The following ASIC2 variants were observed in gnomAD, a reference collection of about 807,000 sequenced individuals.
ASIC2 encodes acid-sensing ion channel 2.
Under a neutral mutation model 57.3 loss-of-function variants are expected in ASIC2, and 25 were observed. The ratio of observed to expected loss-of-function variants is 0.44; its 90% CI spans 0.32 to 0.61. The LOEUF (loss-of-function observed/expected upper bound fraction) is 0.61, where lower values mean the gene tolerates loss of function less well. ASIC2 is among the 20% of genes least tolerant of loss of function. The probability of loss-of-function intolerance (pLI) is 0.06; values close to 1 mark genes in which losing one functional copy is unlikely to be tolerated. For missense variants in ASIC2, 641 were observed against 738.1 expected (o/e 0.87, Z 1.52); for synonymous variants, 319 against 307.5 (o/e 1.04, Z -0.39).
rs1388105015 is a variant in ASIC2, at chr17:33,079,481, T to C, written c.987+9382A>G. 4.9e-4 allele frequency among the ~76,000 whole-genome samples: 75 copies of C among 151,930 alleles called. 1 individual carries two copies. Among genetic ancestry groups the C allele is most frequent in the Admixed American group, 4.8e-3 (73 of 15,250 alleles). ...CTGGGGGAGTAGAGTGAGAGGCCAC[T>C]GAAAGAGAGGCAGGAGCCAGACTGG... On this transcript the variant is annotated intron_variant, in intron 3 of 9. Coordinates refer to ENST00000225823, the MANE Select transcript of ASIC2 (RefSeq NM_183377.2).
At chr17:34,103,219 C>T (rs1407927361) in intron 1 of ASIC2, among the ~76,000 whole-genome samples, 1 of 152,146 alleles carries the variant, frequency 6.6e-6, no homozygotes, top group Non-Finnish European at 1.5e-5. Context: ...TATCATGCCT[C>T]AACGTAGCCT....
chr17:33,091,970 A>G (rs2092159347), intron 2 of ASIC2, among the ~76,000 whole-genome samples: 1 of 152,222 alleles, frequency 6.6e-6, no homozygotes, highest in South Asian at 2.1e-4. Flanking sequence ...CCATGTGGCT[A>G]GTGGAAACAT....
At chr17:33,342,448 A>G (rs1187636060) in intron 1 of ASIC2, among the ~76,000 whole-genome samples, 2 of 152,058 alleles carry the variant, frequency 1.3e-5, no homozygotes, top group Non-Finnish European at 2.9e-5. Context: ...ATATGAGTTC[A>G]CATGTACATA....
At chr17:33,017,504 T>A (rs1260893917) in intron 8 of ASIC2, 101 bp downstream of exon 8, 5 of 948,156 alleles carry the variant, frequency 5.3e-6, no homozygotes, top group Non-Finnish European at 4.9e-6. Flanking sequence ...AGGCTCTGCA[T>A]GGAGAGAGGC....
chr17:33,389,519 G>C (rs1418582594), intron 1 of ASIC2, among the ~76,000 whole-genome samples: 2 of 152,212 alleles, frequency 1.3e-5, no homozygotes, highest in South Asian at 2.1e-4. Flanking sequence ...GCTGGGCAGG[G>C]TTTCAGCTAA....
chr17:33,935,170 C>A (rs1187265282), intron 1 of ASIC2, among the ~76,000 whole-genome samples: 1 of 152,224 alleles, frequency 6.6e-6, no homozygotes, highest in East Asian at 1.9e-4. Flanking sequence ...ACACACTGCC[C>A]CCTACATCTG....
intron 1 of ASIC2, chr17:33,955,292 T>C (rs1159357187): frequency 1.3e-5 from 2 of 152,226 alleles, no homozygotes; most frequent in Non-Finnish European, 2.9e-5. Context: ...TAAGTTACTG[T>C]CTTTCCATTT....
intron 1 of ASIC2, among the ~76,000 whole-genome samples, chr17:33,146,040 G>A (rs3925174): frequency 0.025 from 3,798 of 152,274 alleles, 151 homozygotes; most frequent in African/African-American, 0.083. Context: ...CTTAGCACCC[G>A]CTATCTTAGT....
chr17:33,115,304 G>C (rs929646805), intron 1 of ASIC2, among the ~76,000 whole-genome samples: 1 of 152,160 alleles, frequency 6.6e-6, no homozygotes, highest in African/African-American at 2.4e-5. Flanking sequence ...AGCCAAATCA[G>C]AGAGGTGGCC....
intron 1 of ASIC2, among the ~76,000 whole-genome samples, chr17:33,371,282 C>A (rs1909049312): frequency 6.6e-6 from 1 of 152,158 alleles, no homozygotes; most frequent in African/African-American, 2.4e-5. Context: ...GGGAATGTAG[C>A]CCAGCAAGTC....
At chr17:33,714,806 CTT>C (rs11323251) in intron 1 of ASIC2, among the ~76,000 whole-genome samples, 15,379 of 124,064 alleles carry the variant, frequency 0.12, 556 homozygotes, top group Non-Finnish European at 0.14. Context: ...ATTCTGTGAC[CTT>C]TTTTTTTTTT....
At chr17:34,113,694 A>G (rs567944343) in intron 1 of ASIC2, among the ~76,000 whole-genome samples, 3 of 152,102 alleles carry the variant, frequency 2.0e-5, no homozygotes, top group Non-Finnish European at 2.9e-5. Flanking sequence ...CTTGAACAAC[A>G]AAGTGAGACC....
chr17:33,987,654 T>TAACCAACC (rs61329146), intron 1 of ASIC2, among the ~76,000 whole-genome samples: 1 of 151,618 alleles, frequency 6.6e-6, no homozygotes, highest in African/African-American at 2.4e-5. Context: ...ACCAACCAAC[T>TAACCAACC]AACCAACCAA....
chr17:33,481,175 T>C (rs1490064754), intron 1 of ASIC2, among the ~76,000 whole-genome samples: 1 of 152,194 alleles, frequency 6.6e-6, no homozygotes, highest in African/African-American at 2.4e-5. Flanking sequence ...ATGCTGCAGG[T>C]GTGTCCCTTT....
chr17:33,906,812 G>T (rs1007160639), intron 1 of ASIC2, among the ~76,000 whole-genome samples: 1 of 152,156 alleles, frequency 6.6e-6, no homozygotes, highest in Admixed American at 6.5e-5. Flanking sequence ...GGATCTTAAC[G>T]AGGAGGCTGA....
At position 33,952,369 on chromosome 17, in the gene ASIC2, G is replaced by A. The variant is rs140199737; in HGVS notation, c.555+203609C>T. Among the ~76,000 whole-genome samples, 70 of 152,264 alleles carry A rather than the reference G, an allele frequency of 4.6e-4. 1 individual carries two copies. In the East Asian group the frequency reaches 7.3e-3, roughly 16 times the overall value. On this transcript the variant is annotated intron_variant, in intron 1 of 9. Coordinates refer to the ASIC2 transcript ENST00000359872. ...CTCAGTAGGCCCATCTCTTATATGCGGTGCTATGTGATCCTAGGCAAGGTA... is the reference window on the plus strand; with the variant it reads ...CTCAGTAGGCCCATCTCTTATATGCAGTGCTATGTGATCCTAGGCAAGGTA...
chr17:33,734,327 C>T (rs528282607), intron 1 of ASIC2, among the ~76,000 whole-genome samples: 5 of 152,230 alleles, frequency 3.3e-5, no homozygotes, highest in Admixed American at 6.5e-5. Flanking sequence ...GCCAGCCCTT[C>T]CCCCCGGGCT....
rs140059208 is a variant in ASIC2 at position 33,855,661 on chromosome 17, G to A, written c.555+300317C>T. Reference sequence around the variant, plus strand: ...TGATGGGGATGATGATGGTGATGACGATGGGGATGATAATGATGATGGGGG... The same window carrying A: ...TGATGGGGATGATGATGGTGATGACAATGGGGATGATAATGATGATGGGGG... On this transcript the variant is annotated intron_variant, in intron 1 of 9. Coordinates refer to the ASIC2 transcript ENST00000359872. Among the ~76,000 whole-genome samples the A allele has an allele frequency of 3.7e-4, 57 of 152,168 alleles. No homozygotes were observed. The East Asian group carries it at 8.3e-3, about 22-fold the overall frequency.
At chr17:33,659,258 A>G (rs190718) in intron 1 of ASIC2, among the ~76,000 whole-genome samples, 124,261 of 152,138 alleles carry the variant, frequency 0.82, 50,858 homozygotes, top group African/African-American at 0.86. Context: ...CTGACTCGAG[A>G]TCCTCAAACC....
Sources: allele counts gnomAD v4.1 joint callset (sites outside exome capture counted in the v4.1 genomes callset), GRCh38; gene constraint gnomAD v4.1.1; transcripts MANE v1.5; gene names NCBI Gene and HGNC (gene_info 2026-07-23, HGNC 2026-07-21).